Variants in PRKG2 observed in about 807,000 individuals in gnomAD.
PRKG2 encodes protein kinase cGMP-dependent 2, also known as cGMP-dependent protein kinase 2.
In PRKG2, 33 loss-of-function variants were observed where a neutral mutation model predicts 97.2. The observed-to-expected ratio is 0.34, with a 90% confidence interval of 0.26 to 0.45. The LOEUF (loss-of-function observed/expected upper bound fraction) is 0.45, where lower values mean the gene tolerates loss of function less well. Ranked by LOEUF, PRKG2 falls within the 20% of genes least tolerant of loss-of-function variation. The pLI, the probability that PRKG2 is intolerant of heterozygous loss-of-function variation, is 1.00. For synonymous variants in PRKG2, 330 were observed against 321.8 expected, an observed-to-expected ratio of 1.03 and a Z score of -0.27; for missense variants, 638 against 900.0, an observed-to-expected ratio of 0.71 and a Z score of 3.73.
intron 14 of PRKG2, among the ~76,000 whole-genome samples, chr4:81,132,060 A>G (rs1480008417): frequency 6.6e-6 from 1 of 152,058 alleles, no homozygotes; most frequent in Non-Finnish European, 1.5e-5. Context: ...TGAATATAGT[A>G]TATCTTGCCA....
chr4:81,100,197 A>G (rs1206144898), intron 17 of PRKG2, among the ~76,000 whole-genome samples: 3 of 152,128 alleles, frequency 2.0e-5, no homozygotes, highest in African/African-American at 4.8e-5. Flanking sequence ...TTTCTTCACA[A>G]AATTGGAAAA....
At chr4:81,126,512 A>G (rs1328481916) in intron 14 of PRKG2, among the ~76,000 whole-genome samples, 1 of 152,050 alleles carries the variant, frequency 6.6e-6, no homozygotes, top group Non-Finnish European at 1.5e-5. Flanking sequence ...AAGCATCCCT[A>G]TTTCTCCATA....
At chr4:81,103,989 G>A (rs1458508572) in intron 17 of PRKG2, among the ~76,000 whole-genome samples, 1 of 152,038 alleles carries the variant, frequency 6.6e-6, no homozygotes, top group African/African-American at 2.4e-5. Flanking sequence ...CAAGATCGTG[G>A]CATTGCACTC....
chr4:81,163,571 T>C (rs996922188), intron 6 of PRKG2, among the ~76,000 whole-genome samples: 7 of 152,166 alleles, frequency 4.6e-5, no homozygotes, highest in African/African-American at 1.7e-4. Context: ...TCCTCTAAAT[T>C]GGTTTCATAA....
At chr4:81,215,377 A>T (rs565494305), upstream of PRKG2, among the ~76,000 whole-genome samples, 5 of 152,358 alleles carry the variant, frequency 3.3e-5, no homozygotes, top group East Asian at 7.7e-4. Context: ...CTCCCGACAC[A>T]GCCGCAGTCT....
chr4:81,124,591 G>A (rs1375120647), intron 14 of PRKG2, among the ~76,000 whole-genome samples: 3 of 152,138 alleles, frequency 2.0e-5, no homozygotes, highest in Non-Finnish European at 4.4e-5. Context: ...GTCCCAGGAA[G>A]AGGCCCACCT....
chr4:81,154,409 G>A lies in PRKG2; in HGVS notation c.913-688C>T, dbSNP rs563252358. Among the ~76,000 whole-genome samples, 3 of 151,754 alleles carry A rather than the reference G, an allele frequency of 2.0e-5. No individual in the cohort carries two copies. The East Asian group carries it at 5.8e-4, about 29-fold the overall frequency. On this transcript the variant is annotated intron_variant, in intron 6 of 18. Transcript: ENST00000264399. ...AAGAGAGCAGTGGTTCTCCCAGCAC[G>A]CAGCTGGAGATCTGAGAACGGGCAG...
intron 2 of PRKG2, among the ~76,000 whole-genome samples, chr4:81,185,870 CAAAG>C (rs1362211367): frequency 6.6e-6 from 1 of 152,024 alleles, no homozygotes; most frequent in African/African-American, 2.4e-5. Context: ...TCAAAAAAGA[CAAAG>C]AAGAGCATTA....
intron 6 of PRKG2, among the ~76,000 whole-genome samples, chr4:81,166,064 T>A (rs898039153): frequency 6.6e-6 from 1 of 152,052 alleles, no homozygotes; most frequent in African/African-American, 2.4e-5. Context: ...GGCTAAGCAA[T>A]CTTCTTGAAA....
intron 6 of PRKG2, among the ~76,000 whole-genome samples, chr4:81,160,503 C>A (rs74787513): frequency 0.043 from 6,472 of 152,156 alleles, 456 homozygotes; most frequent in African/African-American, 0.15. Context: ...AAAATTGAGT[C>A]TGGGCTCTAG....
At chr4:81,212,296 C>G (rs1332701649) in intron 1 of PRKG2, among the ~76,000 whole-genome samples, 1 of 151,490 alleles carries the variant, frequency 6.6e-6, no homozygotes, top group East Asian at 1.9e-4. Flanking sequence ...CCTCCCACCC[C>G]CCCAGCAGAA....
intron 6 of PRKG2, among the ~76,000 whole-genome samples, 183 bp downstream of exon 6, chr4:81,166,978 T>C (rs1250892422): frequency 6.6e-6 from 1 of 152,116 alleles, no homozygotes; most frequent in Admixed American, 6.5e-5. Flanking sequence ...ATCTGAAGAG[T>C]TTAAACCTTT....
intron 2 of PRKG2, among the ~76,000 whole-genome samples, chr4:81,184,135 C>T (rs780802777): frequency 3.3e-5 from 5 of 152,208 alleles, no homozygotes; most frequent in African/African-American, 1.2e-4. Context: ...GCACAGAGCT[C>T]GAGCTCTGCT....
At chr4:81,156,308 C>G (rs1356619579) in intron 6 of PRKG2, among the ~76,000 whole-genome samples, 1 of 151,806 alleles carries the variant, frequency 6.6e-6, no homozygotes, top group Non-Finnish European at 1.5e-5. Flanking sequence ...GACTTTAAAC[C>G]GACAAAGATC....
intron 7 of PRKG2, 124 bp downstream of exon 7, chr4:81,153,520 T>C: frequency 1.4e-6 from 1 of 690,990 alleles, no homozygotes; most frequent in South Asian, 2.0e-5. Context: ...GGGACTCTAC[T>C]GGTAGAAGCT....
chr4:81,100,139 C>G (rs1742577850), intron 17 of PRKG2, among the ~76,000 whole-genome samples: 1 of 151,410 alleles, frequency 6.6e-6, no homozygotes, highest in Non-Finnish European at 1.5e-5. Context: ...CCATACTGCC[C>G]AAGGTAATTT....
At position 81,204,903 on chromosome 4, in the gene PRKG2, ACT is replaced by A; in HGVS notation, c.143_144del (p.Glu48ValfsTer19). On this transcript the variant is annotated frameshift_variant, in exon 2 of 19. Transcript: ENST00000264399. LOFTEE classifies it high-confidence loss of function. ...TGCTCCCGCAGCTCCTTCAAATGGT[ACT>A]CCCGCTCCTGGATCTCAGCATCCTT... ...RRKDAEIQEREYHLKELREQL... is the reference protein window; with the variant it reads ...RRKDAEIQERXYHLKELREQL... 1 of 1,613,610 alleles carries A rather than the reference ACT, an allele frequency of 6.2e-7. No homozygotes were observed. Among genetic ancestry groups the A allele is most frequent in the Non-Finnish European group, 8.5e-7 (1 of 1,179,922 alleles).
intron 5 of PRKG2, among the ~76,000 whole-genome samples, chr4:81,167,874 A>T (rs1750124539): frequency 6.6e-6 from 1 of 152,034 alleles, no homozygotes; most frequent in Non-Finnish European, 1.5e-5. Flanking sequence ...GAGGAGGAAG[A>T]GGCTGGAAAG....
Position 81,175,243 on chromosome 4 carries a change from T to C in PRKG2, c.462-284A>G, listed in dbSNP as rs773783192. 1.7e-4 allele frequency among the ~76,000 whole-genome samples: 26 copies of C among 152,070 alleles called. 1 individual carries two copies. The highest frequency in any genetic ancestry group is 2.5e-4 in the Non-Finnish European group (17 of 67,960). ...CAAATGTAGCATTTCTCAAGATCCA[T>C]AGATGCACTACTAATGGACACATGA... On this transcript the variant is annotated intron_variant, in intron 2 of 18. Transcript: ENST00000264399.
Sources: gnomAD v4.1 joint callset for allele counts (sites outside exome capture counted in the v4.1 genomes callset) on GRCh38, gnomAD v4.1.1 for gene constraint, MANE v1.5 for transcripts, NCBI Gene and HGNC (gene_info 2026-07-23, HGNC 2026-07-21) for gene names.